DGCR2: variants seen among roughly 807,000 people sequenced by gnomAD.
DGCR2 encodes the protein DiGeorge syndrome critical region gene 2, also known as integral membrane protein DGCR2/IDD.
DGCR2 carries 24 observed loss-of-function variants against 51.6 expected under a neutral mutation model. The observed-to-expected ratio is 0.47, with a 90% CI of 0.34 to 0.65. DGCR2 has a LOEUF of 0.65. Among genes scored for constraint, DGCR2 ranks in the 30% least tolerant of loss-of-function variants. DGCR2 has a pLI of 0.01. For synonymous variants in DGCR2, 340 were observed against 315.4 expected (o/e 1.08, Z -0.82); for missense variants, 765 against 772.1 (o/e 0.99, Z 0.11).
chr22:19,093,387 G>C (rs1424813382), intron 1 of DGCR2, among the ~76,000 whole-genome samples: 1 of 144,096 alleles, frequency 6.9e-6, no homozygotes, highest in African/African-American at 2.6e-5. Flanking sequence ...AATCAAAATC[G>C]ATCATAGGCC....
In DGCR2 at chr22:19,062,775, G is replaced by GCTCTCTCTCTCTCTCTCTCTCT. The variant is rs1491258740; in HGVS notation, c.625+426_625+427insAGAGAGAGAGAGAGAGAGAGAG. Among the ~76,000 whole-genome samples the GCTCTCTCTCTCTCTCTCTCTCT allele has an allele frequency of 3.6e-3, 390 of 108,912 alleles. 14 individuals carry two copies. Among genetic ancestry groups the GCTCTCTCTCTCTCTCTCTCTCT allele is most frequent in the Non-Finnish European group, 4.9e-3 (253 of 51,496 alleles). 71.5% of individuals were successfully genotyped at this position (108,912 alleles called of 152,430 possible). On this transcript the variant is annotated intron_variant, in intron 5 of 9. Transcript: ENST00000263196. ...TCTTTGCGCACACACACACATGCAT[G>GCTCTCTCTCTCTCTCTCTCTCT]CTCACTCTCTCTCTCTCTCTCTCTC...
chr22:19,100,664 TA>T (rs34517547), intron 1 of DGCR2, among the ~76,000 whole-genome samples: 50 of 144,736 alleles, frequency 3.5e-4, no homozygotes, highest in Admixed American at 5.5e-4. Context: ...AGACTCCGTT[TA>T]AAAAAAAAAA....
intron 4 of DGCR2, among the ~76,000 whole-genome samples, chr22:19,063,821 T>C (rs2082716353): frequency 6.6e-6 from 1 of 152,200 alleles, no homozygotes; most frequent in African/African-American, 2.4e-5. Flanking sequence ...TTATTCTTGG[T>C]AGACATGAAA....
At chr22:19,097,340 G>A (rs2083153117) in intron 1 of DGCR2, among the ~76,000 whole-genome samples, 1 of 152,120 alleles carries the variant, frequency 6.6e-6, no homozygotes, top group South Asian at 2.1e-4. Flanking sequence ...TGGATCACAA[G>A]GTCAGGAGTT....
chr22:19,038,568 T>G lies in DGCR2; in HGVS notation c.*297A>C. 1 of 450,524 alleles carries G rather than the reference T, an allele frequency of 2.2e-6. No homozygotes were observed. Among genetic ancestry groups the G allele is most frequent in the Non-Finnish European group, 4.0e-6 (1 of 252,616 alleles). The allele number at this position is 450,524 out of a possible 1,614,324, so 27.9% of individuals were successfully genotyped here. On this transcript the variant is annotated 3_prime_UTR_variant, in exon 10 of 10. Transcript: ENST00000263196. ...GGCCCACAGTACCTTCTTCATTCCCTGCCTCTAACATGTGCGGTCTGAATG... is the reference window on the plus strand; with the variant it reads ...GGCCCACAGTACCTTCTTCATTCCCGGCCTCTAACATGTGCGGTCTGAATG...
chr22:19,069,043 G>C (rs2082783416), intron 2 of DGCR2, among the ~76,000 whole-genome samples: 1 of 152,216 alleles, frequency 6.6e-6, no homozygotes, highest in African/African-American at 2.4e-5. Context: ...GTGCAGGGGA[G>C]AGGGCCCTCA....
At chr22:19,087,442 C>A (rs1294203540) in intron 2 of DGCR2, among the ~76,000 whole-genome samples, 2 of 152,062 alleles carry the variant, frequency 1.3e-5, no homozygotes, top group Admixed American at 1.3e-4. Context: ...CAGGCTGGAG[C>A]GCACTGGCAT....
At chr22:19,064,822 C>T (rs754540656) in intron 4 of DGCR2, 26 bp downstream of exon 4, 1 of 1,605,320 alleles carries the variant, frequency 6.2e-7, no homozygotes, top group Non-Finnish European at 8.5e-7. Context: ...GACTCCAGCC[C>T]CTCAGGTCCC....
Position 19,053,741 on chromosome 22 carries a change from G to A in DGCR2, c.802+3245C>T, listed in dbSNP as rs753058967. Among the ~76,000 whole-genome samples the A allele has an allele frequency of 4.2e-4, 64 of 152,270 alleles. No individual in the cohort carries two copies. The Middle Eastern group carries it at 0.014, about 32-fold the overall frequency. ...AGACTCAAATATGACACAGATGAAGGAACTTCCCCACAGGGAATTTAAAAT... is the reference window on the plus strand; with the variant it reads ...AGACTCAAATATGACACAGATGAAGAAACTTCCCCACAGGGAATTTAAAAT... On this transcript the variant is annotated intron_variant, in intron 6 of 9. Transcript: ENST00000263196.
intron 1 of DGCR2, among the ~76,000 whole-genome samples, chr22:19,120,801 A>G (rs1374600115): frequency 6.6e-6 from 1 of 152,036 alleles, no homozygotes; most frequent in Non-Finnish European, 1.5e-5. Flanking sequence ...ATTGGTTCTG[A>G]CCTCCAAGAG....
intron 7 of DGCR2, chr22:19,047,257 A>AC (rs562509445): frequency 5.9e-5 from 9 of 152,148 alleles, no homozygotes; most frequent in Non-Finnish European, 1.2e-4. Context: ...GCCCACTTTC[A>AC]CCCAGCCTCA....
At chr22:19,080,427 A>G (rs1467570591) in intron 2 of DGCR2, among the ~76,000 whole-genome samples, 1 of 152,222 alleles carries the variant, frequency 6.6e-6, no homozygotes, top group Admixed American at 6.5e-5. Context: ...GATGTTTTAC[A>G]TTCTTTTTTT....
rs891462817 is a variant in DGCR2 at position 19,037,893 on chromosome 22, GGAGA to G, written c.*968_*971del. On this transcript the variant is annotated 3_prime_UTR_variant, in exon 10 of 10. Transcript: ENST00000263196. Reference sequence around the variant, plus strand: ...CGGTGATGTAAGGAGTGGACTTTAAGGAGATAGATGCAGCCCAGGATGGTGGTTT... The same window carrying G: ...CGGTGATGTAAGGAGTGGACTTTAAGTAGATGCAGCCCAGGATGGTGGTTT... 6.6e-6 allele frequency: 1 copy of G among 152,600 alleles called. No homozygotes were observed. Among genetic ancestry groups the G allele is most frequent in the Admixed American group, 6.5e-5 (1 of 15,280 alleles). 9.5% of individuals were successfully genotyped at this position (152,600 alleles called of 1,614,324 possible).
chr22:19,068,271 C>T (rs780986184), intron 2 of DGCR2, 46 bp from the exon 3 acceptor site: 6 of 1,529,946 alleles, frequency 3.9e-6, no homozygotes, highest in African/African-American at 2.8e-5. Context: ...CCTGTGCAGT[C>T]GCAGTCTCCC....
chr22:19,117,781 G>T (rs183112161), intron 1 of DGCR2, among the ~76,000 whole-genome samples: 1 of 151,330 alleles, frequency 6.6e-6, no homozygotes, highest in African/African-American at 2.4e-5. Context: ...TTTTTGTCAA[G>T]AAAAAAAAGG....
chr22:19,098,673 G>C (rs1361868129), intron 1 of DGCR2, among the ~76,000 whole-genome samples: 1 of 152,136 alleles, frequency 6.6e-6, no homozygotes, highest in African/African-American at 2.4e-5. Flanking sequence ...CTGCAGCGTA[G>C]ACACCCTGGG....
intron 2 of DGCR2, among the ~76,000 whole-genome samples, chr22:19,075,807 CTTG>C (rs1329215759): frequency 2.6e-5 from 4 of 152,186 alleles, no homozygotes; most frequent in Non-Finnish European, 5.9e-5. Flanking sequence ...GATAGACTAC[CTTG>C]TTGTTGATCC....
rs373706300 is a variant in DGCR2, at chr22:19,089,349, G to C, written c.202+19C>G. The C allele has an allele frequency of 1.3e-6, 2 of 1,576,130 alleles. No individual in the cohort carries two copies. Among genetic ancestry groups the C allele is most frequent in the South Asian group, 2.3e-5 (2 of 85,844 alleles). On this transcript the variant is annotated intron_variant, in intron 2 of 9. Coordinates refer to ENST00000263196, the MANE Select transcript of DGCR2 (RefSeq NM_005137.3). ...AAAGAGACAAGGTGGTGTGTACCCC[G>C]CCTACTCAACACACTCACCTGGACA... is the stretch of plus-strand genomic sequence containing the variant.
intron 1 of DGCR2, among the ~76,000 whole-genome samples, chr22:19,090,904 GATCTAAAC>G (rs1214416913): frequency 6.6e-6 from 1 of 151,924 alleles, no homozygotes; most frequent in Admixed American, 6.6e-5. Context: ...TACGCAGAAC[GATCTAAAC>G]ACTCCAACTG....
Sources: gnomAD v4.1 joint callset for allele counts (sites outside exome capture counted in the v4.1 genomes callset) on GRCh38, gnomAD v4.1.1 for gene constraint, MANE v1.5 for transcripts, NCBI Gene and HGNC (gene_info 2026-07-23, HGNC 2026-07-21) for gene names.